The following KIDINS220 variants were observed in gnomAD, a reference collection of about 807,000 sequenced individuals.
KIDINS220 encodes the protein kinase D-interacting substrate of 220 kDa.
A neutral mutation model predicts 157.6 loss-of-function variants in KIDINS220; 63 were observed. The ratio of observed to expected loss-of-function variants is 0.40; its 90% CI spans 0.33 to 0.49. The LOEUF (loss-of-function observed/expected upper bound fraction) is 0.49, where lower values mean the gene tolerates loss of function less well. KIDINS220 is among the 20% of genes least tolerant of loss of function. The pLI is 0.66. For missense variants in KIDINS220, 1,772 were observed against 2,171.2 expected (o/e 0.82, Z 3.65); for synonymous variants, 732 against 783.6 (o/e 0.93, Z 1.10).
intron 27 of KIDINS220, among the ~76,000 whole-genome samples, chr2:8,735,516 T>C (rs993886233): frequency 1.3e-5 from 2 of 151,942 alleles, no homozygotes; most frequent in South Asian, 2.1e-4. Flanking sequence ...CTGGGTGACA[T>C]AGCAGGACTC....
At position 8,827,100 on chromosome 2, in the gene KIDINS220, A is replaced by G; in HGVS notation, c.-7T>C. 1.3e-6 allele frequency: 2 copies of G among 1,491,236 alleles called. No homozygotes were observed. Among genetic ancestry groups the G allele is most frequent in the South Asian group, 1.2e-5 (1 of 84,688 alleles). The allele number at this position is 1,491,236 out of a possible 1,614,324, so 92.4% of individuals were successfully genotyped here. On this transcript the variant is annotated 5_prime_UTR_variant, in exon 2 of 30. Coordinates refer to ENST00000256707, the MANE Select transcript of KIDINS220 (RefSeq NM_020738.4). ...GTGATATCAAAACTGACATTTTCAC[A>G]GAAAGCTGCAATTAACTTTATTTGA...
At chr2:8,824,438 T>C (rs958742364) in intron 2 of KIDINS220, among the ~76,000 whole-genome samples, 1 of 152,298 alleles carries the variant, frequency 6.6e-6, no homozygotes. Context: ...CCCAGGACTT[T>C]GGGAGGTCGA....
intron 23 of KIDINS220, among the ~76,000 whole-genome samples, chr2:8,750,991 T>C (rs1667272687): frequency 6.6e-6 from 1 of 152,252 alleles, no homozygotes; most frequent in African/African-American, 2.4e-5. Flanking sequence ...AGCCTTAATG[T>C]CACTACCCTG....
chr2:8,807,128 G>A (rs994562743), intron 6 of KIDINS220, among the ~76,000 whole-genome samples: 8 of 152,120 alleles, frequency 5.3e-5, no homozygotes, highest in African/African-American at 1.9e-4. Flanking sequence ...TCACAGATGA[G>A]GACACTGAGG....
Position 8,776,872 on chromosome 2 carries a change from C to A in KIDINS220, c.2724G>T (p.Gln908His). 6.2e-7 allele frequency: 1 copy of A among 1,613,806 alleles called. No individual in the cohort carries two copies. Among genetic ancestry groups the A allele is most frequent in the South Asian group, 1.1e-5 (1 of 91,032 alleles). ...TCTGGCGAGTGATGGTCCTCTGCATCTGCCTTCTTCGGTAAGTGTCCTGAA... is the reference window on the plus strand; with the variant it reads ...TCTGGCGAGTGATGGTCCTCTGCATATGCCTTCTTCGGTAAGTGTCCTGAA... ...LNRRDTYRRR[Q>H]MQRTITRQMS... The change falls in exon 21 of 30, where the codon CAG becomes CAT. Residue 908 changes from glutamine to histidine, a missense_variant. Gln to His is a conservative substitution (Grantham distance 24). Around this residue, in one of 3 missense-constraint regions of KIDINS220, gnomAD observed 725 missense variants for 1,017.1 expected, o/e 0.71. Coordinates refer to ENST00000256707, the MANE Select transcript of KIDINS220 (RefSeq NM_020738.4).
intron 14 of KIDINS220, 38 bp from the exon 15 acceptor site, chr2:8,788,850 C>A: frequency 6.3e-7 from 1 of 1,580,692 alleles, no homozygotes; most frequent in Admixed American, 1.7e-5. Context: ...CCAAAGCAGT[C>A]ACTAGTCAAG....
chr2:8,750,949 G>A (rs1667264741), intron 23 of KIDINS220, among the ~76,000 whole-genome samples: 1 of 152,196 alleles, frequency 6.6e-6, no homozygotes, highest in Non-Finnish European at 1.5e-5. Flanking sequence ...CACGTGCACA[G>A]AGTGGTACCT....
At chr2:8,784,174 T>C (rs899007958) in intron 17 of KIDINS220, among the ~76,000 whole-genome samples, 2 of 146,080 alleles carry the variant, frequency 1.4e-5, no homozygotes, top group African/African-American at 5.1e-5. Context: ...CAAATGGTGC[T>C]GGAACAACTG....
intron 17 of KIDINS220, among the ~76,000 whole-genome samples, 177 bp downstream of exon 17, chr2:8,785,564 A>G (rs1435067475): frequency 6.6e-6 from 1 of 152,194 alleles, no homozygotes; most frequent in Non-Finnish European, 1.5e-5. Context: ...TTTTACCGTG[A>G]ACTTAAAACT....
chr2:8,762,652 T>C (rs1190503453), intron 22 of KIDINS220, among the ~76,000 whole-genome samples: 1 of 151,980 alleles, frequency 6.6e-6, no homozygotes, highest in African/African-American at 2.4e-5. Flanking sequence ...GGCAGGAGAA[T>C]GGCGTGAACC....
chr2:8,751,071 G>C (rs539657040), intron 23 of KIDINS220, among the ~76,000 whole-genome samples: 142 of 152,128 alleles, frequency 9.3e-4, no homozygotes, highest in Non-Finnish European at 1.5e-3. Context: ...TCTCTGGATA[G>C]AGATCCCTGT....
chr2:8,832,888 T>C (rs573148514), intron 1 of KIDINS220, among the ~76,000 whole-genome samples: 30 of 152,302 alleles, frequency 2.0e-4, no homozygotes, highest in Admixed American at 6.5e-4. Context: ...AGTTTCTTTT[T>C]TTTTTCCTTA....
At chr2:8,759,025 A>T (rs1668410137) in intron 22 of KIDINS220, among the ~76,000 whole-genome samples, 1 of 152,230 alleles carries the variant, frequency 6.6e-6, no homozygotes, top group South Asian at 2.1e-4. Context: ...CAACAATGCG[A>T]ACAGTGCCAG....
chr2:8,797,073 C>G (rs1674065017), intron 10 of KIDINS220, among the ~76,000 whole-genome samples: 1 of 152,166 alleles, frequency 6.6e-6, no homozygotes, highest in Non-Finnish European at 1.5e-5. Context: ...AATCACGTAG[C>G]CAGGTGTGGG....
At chr2:8,800,751 A>G (rs1674574905) in intron 8 of KIDINS220, among the ~76,000 whole-genome samples, 1 of 152,244 alleles carries the variant, frequency 6.6e-6, no homozygotes, top group Non-Finnish European at 1.5e-5. Flanking sequence ...TAGAAAGACC[A>G]GTTACCCAGA....
At position 8,733,638 on chromosome 2, in the gene KIDINS220, C is replaced by G. The variant is rs1558307356; in HGVS notation, c.3859G>C (p.Asp1287His). 1 of 1,601,720 alleles carries G rather than the reference C, an allele frequency of 6.2e-7. No individual in the cohort carries two copies. The change falls in exon 29 of 30, where the codon GAC becomes CAC. Residue 1287 changes from aspartate (D) to histidine (H), a missense_variant. By Grantham distance (81) the Asp-to-His change is moderately conservative. Around this residue, in one of 3 missense-constraint regions of KIDINS220, gnomAD observed 793 missense variants for 885.5 expected, o/e 0.90. Coordinates refer to ENST00000256707, the MANE Select transcript of KIDINS220 (RefSeq NM_020738.4). ...CTGCTCTCACTGAGGAAACGTGGGT[C>G]TTCAGGGACCACGTGGCTTTCTGCG... ...RNAESHVVPE[D>H]PRFLSESSSG...
downstream of KIDINS220, among the ~76,000 whole-genome samples, chr2:8,726,731 C>A (rs1427043603): frequency 4.6e-5 from 7 of 152,186 alleles, no homozygotes; most frequent in Non-Finnish European, 1.5e-5. Flanking sequence ...CAACTGTCAC[C>A]ATGCTATCTG....
intron 22 of KIDINS220, among the ~76,000 whole-genome samples, chr2:8,769,167 C>T (rs1172183637): frequency 6.6e-6 from 1 of 152,098 alleles, no homozygotes; most frequent in Non-Finnish European, 1.5e-5. Context: ...TTCCAAAGTG[C>T]AAGAATACAT....
intron 22 of KIDINS220, among the ~76,000 whole-genome samples, chr2:8,752,283 T>C (rs1371686982): frequency 6.6e-6 from 1 of 152,128 alleles, no homozygotes; most frequent in African/African-American, 2.4e-5. Context: ...GGCCTCCCTA[T>C]TGGGATTACA....
Sources: allele counts gnomAD v4.1 joint callset (sites outside exome capture counted in the v4.1 genomes callset), GRCh38; gene constraint gnomAD v4.1.1; regional missense constraint gnomAD v4.1.1; transcripts MANE v1.5; gene names NCBI Gene and HGNC (gene_info 2026-07-23, HGNC 2026-07-21).